The following NTM variants were observed in gnomAD, a reference collection of about 807,000 sequenced individuals.
NTM encodes IgLON family member 2.
A neutral mutation model predicts 42.1 loss-of-function variants in NTM; 13 were observed. The ratio of observed to expected loss-of-function variants is 0.31; its 90% CI spans 0.20 to 0.49. NTM has a LOEUF of 0.49. NTM is among the 20% of genes least tolerant of loss of function. The pLI, the probability that NTM is intolerant of heterozygous loss-of-function variation, is 0.99. For synonymous variants in NTM, 187 were observed against 179.2 expected (o/e 1.04, Z -0.35); for missense variants, 373 against 452.8 (o/e 0.82, Z 1.60).
At chr11:132,042,002 T>C (rs2077269311) in intron 2 of NTM, among the ~76,000 whole-genome samples, 2 of 152,220 alleles carry the variant, frequency 1.3e-5, no homozygotes, top group Non-Finnish European at 2.9e-5. Context: ...AACCTGAGGA[T>C]TGAGTACCAG....
intron 2 of NTM, among the ~76,000 whole-genome samples, chr11:132,138,207 C>T (rs1475525284): frequency 6.6e-6 from 1 of 152,172 alleles, no homozygotes; most frequent in East Asian, 1.9e-4. Flanking sequence ...GTATCTACTT[C>T]CTGCCTTCCC....
At chr11:131,472,397 G>A (rs1235268542) in intron 1 of NTM, among the ~76,000 whole-genome samples, 1 of 152,188 alleles carries the variant, frequency 6.6e-6, no homozygotes, top group African/African-American at 2.4e-5. Flanking sequence ...AAAGAAGACT[G>A]ATCCCATGAA....
chr11:131,470,907 A>T (rs2136176340), intron 1 of NTM, among the ~76,000 whole-genome samples: 1 of 152,292 alleles, frequency 6.6e-6, no homozygotes, highest in East Asian at 1.9e-4. Flanking sequence ...AGCCTTTATT[A>T]TCTAGACCAT....
chr11:131,605,822 T>G, intron 1 of NTM: 1 of 984,744 alleles, frequency 1.0e-6, no homozygotes, highest in Non-Finnish European at 1.2e-6. Context: ...TAGACAGCCC[T>G]ATTTCTAACT....
intron 1 of NTM, among the ~76,000 whole-genome samples, chr11:131,883,707 G>A (rs1247499023): frequency 6.6e-6 from 1 of 152,122 alleles, no homozygotes; most frequent in African/African-American, 2.4e-5. Flanking sequence ...GCAAAAGGTG[G>A]TAGAGGGAAG....
At chr11:131,601,332 C>A (rs1379024415) in intron 1 of NTM, among the ~76,000 whole-genome samples, 1 of 152,164 alleles carries the variant, frequency 6.6e-6, no homozygotes, top group Non-Finnish European at 1.5e-5. Context: ...CTACTAACTG[C>A]ATAAGTTTGG....
chr11:131,645,413 C>T (rs961985407), intron 1 of NTM, among the ~76,000 whole-genome samples: 1 of 152,148 alleles, frequency 6.6e-6, no homozygotes, highest in Non-Finnish European at 1.5e-5. Context: ...AGGCAGCAGA[C>T]GTGCTGGGGA....
chr11:132,094,445 G>A (rs903183536), intron 2 of NTM, among the ~76,000 whole-genome samples: 1 of 152,110 alleles, frequency 6.6e-6, no homozygotes, highest in African/African-American at 2.4e-5. Flanking sequence ...AGCACTTCCT[G>A]TCTGTGGCTA....
At chr11:131,576,103 A>G (rs1258555520) in intron 1 of NTM, among the ~76,000 whole-genome samples, 1 of 152,290 alleles carries the variant, frequency 6.6e-6, no homozygotes, top group African/African-American at 2.4e-5. Flanking sequence ...AGTCAGTATG[A>G]TTTGTGCTCC....
chr11:131,560,455 A>G (rs1005733795), intron 1 of NTM, among the ~76,000 whole-genome samples: 8 of 152,152 alleles, frequency 5.3e-5, no homozygotes, highest in Non-Finnish European at 7.4e-5. Context: ...AATCAATACC[A>G]TGAGGTTGGC....
intron 1 of NTM, among the ~76,000 whole-genome samples, chr11:131,404,876 T>G (rs1224993065): frequency 6.6e-6 from 1 of 152,170 alleles, no homozygotes; most frequent in Non-Finnish European, 1.5e-5. Context: ...CACACAGTGA[T>G]TCGCCATTGA....
chr11:131,627,303 G>C (rs906134263), intron 1 of NTM, among the ~76,000 whole-genome samples: 5 of 151,714 alleles, frequency 3.3e-5, no homozygotes, highest in African/African-American at 9.7e-5. Flanking sequence ...CCACGTTTGA[G>C]AGCAGAGGAA....
At chr11:132,213,317 G>C (rs1292334859) in intron 4 of NTM, among the ~76,000 whole-genome samples, 4 of 152,138 alleles carry the variant, frequency 2.6e-5, no homozygotes, top group Non-Finnish European at 4.4e-5. Context: ...TCTCGGCTGA[G>C]CCTACGGGGA....
At chr11:132,140,215 A>G (rs533330655) in intron 2 of NTM, among the ~76,000 whole-genome samples, 1 of 152,230 alleles carries the variant, frequency 6.6e-6, no homozygotes, top group South Asian at 2.1e-4. Flanking sequence ...TTCAGACCCT[A>G]TTCTCTTTGC....
chr11:131,999,985 T>C (rs2068866229), intron 2 of NTM, among the ~76,000 whole-genome samples: 1 of 152,182 alleles, frequency 6.6e-6, no homozygotes, highest in Non-Finnish European at 1.5e-5. Flanking sequence ...TTTTTTTCTT[T>C]TCTTTTTCTT....
intron 2 of NTM, among the ~76,000 whole-genome samples, chr11:132,025,897 C>T (rs995794324): frequency 1.7e-4 from 26 of 152,286 alleles, no homozygotes; most frequent in Admixed American, 1.4e-3. Context: ...TTGGAAGCAA[C>T]CTCCCAGCTT....
intron 6 of NTM, among the ~76,000 whole-genome samples, chr11:132,311,357 A>C (rs143670652): frequency 1.9e-3 from 289 of 152,250 alleles, no homozygotes; most frequent in African/African-American, 6.7e-3. Flanking sequence ...TTTAAAAAAA[A>C]ATTTTTAAGG....
intron 1 of NTM, among the ~76,000 whole-genome samples, chr11:131,589,845 A>G (rs2059212130): frequency 6.6e-6 from 1 of 152,208 alleles, no homozygotes; most frequent in African/African-American, 2.4e-5. Context: ...TGTGAGGCTT[A>G]TATCAGGTAA....
intron 2 of NTM, among the ~76,000 whole-genome samples, chr11:132,121,284 A>G (rs1218195430): frequency 3.3e-5 from 5 of 152,200 alleles, no homozygotes. Flanking sequence ...CCTACTCTTA[A>G]AATGCAAACT....
Sources: gnomAD v4.1 joint callset for allele counts (sites outside exome capture counted in the v4.1 genomes callset) on GRCh38, gnomAD v4.1.1 for gene constraint, MANE v1.5 for transcripts, NCBI Gene and HGNC (gene_info 2026-07-23, HGNC 2026-07-21) for gene names.